DPP10: variants seen among roughly 807,000 people sequenced by gnomAD.
DPP10 encodes inactive dipeptidyl peptidase 10.
Under a neutral mutation model 120.9 loss-of-function variants are expected in DPP10, and 33 were observed. That is an observed-to-expected ratio of 0.27 (90% CI 0.21 to 0.37). DPP10 has a LOEUF of 0.37. Ranked by LOEUF, DPP10 falls within the 10% of genes least tolerant of loss-of-function variation. The probability of loss-of-function intolerance (pLI) is 1.00; values close to 1 mark genes in which losing one functional copy is unlikely to be tolerated. For missense variants in DPP10, 816 were observed against 942.8 expected, an observed-to-expected ratio of 0.87 and a Z score of 1.76; for synonymous variants, 337 against 326.1, an observed-to-expected ratio of 1.03 and a Z score of -0.36.
At chr2:115,286,526 A>AAC (rs1553538952) in intron 1 of DPP10, among the ~76,000 whole-genome samples, 2 of 60,946 alleles carry the variant, frequency 3.3e-5, no homozygotes, top group Non-Finnish European at 6.6e-5. Flanking sequence ...ATATATATAT[A>AAC]ATATATATAT....
intron 1 of DPP10, among the ~76,000 whole-genome samples, chr2:114,568,846 T>G (rs1458848014): frequency 6.6e-6 from 1 of 152,208 alleles, no homozygotes; most frequent in Non-Finnish European, 1.5e-5. Context: ...TGTCTCTGTA[T>G]CACCAAATCT....
intron 1 of DPP10, among the ~76,000 whole-genome samples, chr2:115,247,846 A>G (rs1172192229): frequency 6.6e-6 from 1 of 152,148 alleles, no homozygotes; most frequent in African/African-American, 2.4e-5. Flanking sequence ...ACAAACCAAT[A>G]TACTGTTTTG....
At chr2:114,589,306 G>A (rs1306782373) in intron 1 of DPP10, among the ~76,000 whole-genome samples, 1 of 152,168 alleles carries the variant, frequency 6.6e-6, no homozygotes, top group East Asian at 1.9e-4. Flanking sequence ...CAGTGAGGCT[G>A]TAGGCACTTG....
At chr2:114,946,194 T>G (rs1226874266) in intron 1 of DPP10, among the ~76,000 whole-genome samples, 2 of 152,212 alleles carry the variant, frequency 1.3e-5, no homozygotes, top group African/African-American at 2.4e-5. Context: ...TGCTAAACAA[T>G]AGCCTATTGA....
At chr2:114,959,751 T>A (rs76759967) in intron 1 of DPP10, among the ~76,000 whole-genome samples, 2,324 of 152,320 alleles carry the variant, frequency 0.015, 62 homozygotes, top group African/African-American at 0.053. Flanking sequence ...TCTTTTTCAA[T>A]GTAACTGTTC....
chr2:114,541,616 G>GA (rs1046578045), intron 1 of DPP10, among the ~76,000 whole-genome samples: 5 of 151,638 alleles, frequency 3.3e-5, no homozygotes, highest in Admixed American at 6.6e-5. Context: ...ATTTATAATA[G>GA]AAAAAAAATA....
rs377701662 is a variant in DPP10, at chr2:115,244,216, GTA to G, written c.61-65000_61-64999del. ...AGTGTCTATATATATATATGTGTGT[GTA>G]TATATATATATATATATATATAGAG... On this transcript the variant is annotated intron_variant, in intron 1 of 25. Transcript: ENST00000410059. Among the ~76,000 whole-genome samples the G allele has an allele frequency of 1.1e-3, 126 of 119,832 alleles. 2 individuals carry two copies. Among genetic ancestry groups the G allele is most frequent in the Admixed American group, 3.7e-3 (38 of 10,316 alleles). 78.6% of individuals were successfully genotyped at this position (119,832 alleles called of 152,430 possible).
At chr2:114,484,555 T>A (rs1681333121) in intron 1 of DPP10, among the ~76,000 whole-genome samples, 1 of 152,152 alleles carries the variant, frequency 6.6e-6, no homozygotes, top group African/African-American at 2.4e-5. Flanking sequence ...TATGTTGTTT[T>A]GTGGTTTTTT....
intron 24 of DPP10, among the ~76,000 whole-genome samples, chr2:115,838,565 A>T (rs1295867736): frequency 6.6e-6 from 1 of 152,204 alleles, no homozygotes. Context: ...AATAAATTAT[A>T]TTCAAGGTTA....
At chr2:115,592,472 G>C (rs189154252) in intron 5 of DPP10, among the ~76,000 whole-genome samples, 1 of 152,118 alleles carries the variant, frequency 6.6e-6, no homozygotes, top group East Asian at 1.9e-4. Flanking sequence ...GCTCATGCCT[G>C]TAATCCTAGC....
intron 1 of DPP10, among the ~76,000 whole-genome samples, chr2:115,122,436 G>A (rs1197777982): frequency 1.3e-5 from 2 of 152,168 alleles, no homozygotes; most frequent in Non-Finnish European, 1.5e-5. Flanking sequence ...AGGTACTTTG[G>A]TCTCTTATGC....
At chr2:114,883,948 T>C (rs1181894680) in intron 1 of DPP10, among the ~76,000 whole-genome samples, 1 of 152,258 alleles carries the variant, frequency 6.6e-6, no homozygotes, top group Non-Finnish European at 1.5e-5. Flanking sequence ...AACTTCTGTG[T>C]ACAGAATGGT....
At chr2:114,583,728 C>T (rs1319074826) in intron 1 of DPP10, among the ~76,000 whole-genome samples, 2 of 152,090 alleles carry the variant, frequency 1.3e-5, no homozygotes, top group African/African-American at 2.4e-5. Context: ...AGAGAAATAC[C>T]TGCTATTTTA....
At chr2:114,816,101 T>A (rs990766734) in intron 1 of DPP10, among the ~76,000 whole-genome samples, 3 of 152,172 alleles carry the variant, frequency 2.0e-5, no homozygotes, top group Admixed American at 2.0e-4. Flanking sequence ...CTTATTACAG[T>A]CTTGACCATG....
intron 1 of DPP10, among the ~76,000 whole-genome samples, chr2:114,481,476 A>G (rs1289640155): frequency 6.6e-6 from 1 of 152,162 alleles, no homozygotes; most frequent in Non-Finnish European, 1.5e-5. Flanking sequence ...TCAAAATGTT[A>G]AGAGGTACAG....
At chr2:114,842,767 C>T (rs928084204) in intron 1 of DPP10, among the ~76,000 whole-genome samples, 1 of 152,122 alleles carries the variant, frequency 6.6e-6, no homozygotes, top group African/African-American at 2.4e-5. Context: ...GACTGCTTAA[C>T]AAGTCCAGAA....
At chr2:115,767,573 A>AGT (rs1036222526) in intron 12 of DPP10, among the ~76,000 whole-genome samples, 6 of 151,144 alleles carry the variant, frequency 4.0e-5, no homozygotes, top group Admixed American at 2.0e-4. Flanking sequence ...ATAAATATAT[A>AGT]GTGTGTGTGT....
intron 2 of DPP10, among the ~76,000 whole-genome samples, chr2:115,337,233 A>G (rs1205571312): frequency 6.6e-6 from 1 of 152,018 alleles, no homozygotes; most frequent in African/African-American, 2.4e-5. Flanking sequence ...TTCCTGGGCA[A>G]GTTGAGGCAG....
At chr2:115,818,678 A>G (rs1216001816) in intron 21 of DPP10, among the ~76,000 whole-genome samples, 1 of 152,206 alleles carries the variant, frequency 6.6e-6, no homozygotes. Context: ...AATAAGAATG[A>G]GAGGAAGACT....
Sources: allele counts gnomAD v4.1 joint callset (sites outside exome capture counted in the v4.1 genomes callset), GRCh38; gene constraint gnomAD v4.1.1; transcripts MANE v1.5; gene names NCBI Gene and HGNC (gene_info 2026-07-23, HGNC 2026-07-21).